The following OVCH1 variants were observed in gnomAD, a reference collection of about 807,000 sequenced individuals.
The protein encoded by OVCH1 is ovochymase-1.
A neutral mutation model predicts 138.4 loss-of-function variants in OVCH1; 139 were observed. That is an observed-to-expected ratio of 1.00 (90% CI 0.87 to 1.16). The LOEUF is 1.16. Among genes scored for constraint, OVCH1 ranks in the 50% most tolerant of loss-of-function variants. The pLI is 0.00. For synonymous variants in OVCH1, 453 were observed against 467.8 expected (o/e 0.97, Z 0.41); for missense variants, 1,367 against 1,357.9 (o/e 1.01, Z -0.11).
intron 13 of OVCH1, 46 bp downstream of exon 13, chr12:29,476,160 C>T (rs779721203): frequency 6.7e-7 from 1 of 1,502,650 alleles, no homozygotes; most frequent in Non-Finnish European, 9.3e-7. Context: ...TGCCACTACT[C>T]TGATTCGTCT....
chr12:29,460,302 T>C (rs373351575), intron 19 of OVCH1, among the ~76,000 whole-genome samples: 1 of 152,212 alleles, frequency 6.6e-6, no homozygotes, highest in South Asian at 2.1e-4. Context: ...ACATAATTAG[T>C]TGTGATTTTC....
intron 18 of OVCH1, among the ~76,000 whole-genome samples, chr12:29,462,596 G>A (rs1436894099): frequency 6.6e-6 from 1 of 151,904 alleles, no homozygotes; most frequent in Non-Finnish European, 1.5e-5. Context: ...TATCATTTTA[G>A]ATTTATGACC....
chr12:29,444,182 T>C lies in OVCH1; in HGVS notation c.2980A>G (p.Met994Val), dbSNP rs773213597. 12 of 1,611,494 alleles carry C rather than the reference T, an allele frequency of 7.4e-6. No individual in the cohort carries two copies. In the Admixed American group the frequency reaches 2.0e-4, roughly 27 times the overall value. ...CTGTGAGAATTTCTTGGGATCTGCA[T>C]GATCCCTTCTGGCTTGGTCAGAAGA... Residue 994 changes from methionine to valine, a missense_variant, in exon 24 of 28, where the codon ATG (methionine) becomes GTG (valine). By Grantham distance (21) the Met-to-Val change is conservative (BLOSUM62 1). Coordinates refer to ENST00000318184, the Ensembl canonical transcript of OVCH1.
intron 14 of OVCH1, among the ~76,000 whole-genome samples, chr12:29,474,256 A>G (rs902485718): frequency 5.3e-5 from 8 of 152,150 alleles, no homozygotes; most frequent in African/African-American, 1.9e-4. Flanking sequence ...TCTTGCATGT[A>G]AGTTCATTCA....
intron 8 of OVCH1, among the ~76,000 whole-genome samples, chr12:29,480,418 C>T (rs534963111): frequency 6.6e-6 from 1 of 152,246 alleles, no homozygotes; most frequent in African/African-American, 2.4e-5. Context: ...CAAATTGTTC[C>T]ATCATCTAAT....
chr12:29,441,476 G>A (rs918485408), intron 25 of OVCH1, among the ~76,000 whole-genome samples: 5 of 152,020 alleles, frequency 3.3e-5, no homozygotes, highest in African/African-American at 1.2e-4. Flanking sequence ...AATTCAAGAT[G>A]GATTAAAGAC....
At chr12:29,419,233 T>C (rs1448203163) in intron 3 of OVCH1, among the ~76,000 whole-genome samples, 3 of 152,078 alleles carry the variant, frequency 2.0e-5, no homozygotes, top group African/African-American at 7.2e-5. Flanking sequence ...ATAACTTTAA[T>C]CCCTGAGAAA....
chr12:29,443,356 G>T lies in OVCH1; in HGVS notation c.3157+5C>A. The T allele has an allele frequency of 6.2e-7, 1 of 1,608,806 alleles. No individual in the cohort carries two copies. The highest frequency in any genetic ancestry group is 1.1e-5 in the South Asian group (1 of 90,290). On this transcript the variant is annotated splice_donor_5th_base_variant and intron_variant, in intron 25 of 27. Transcript: ENST00000318184. ...TAGCATAGAGATTCATGGGAAATCA[G>T]TTACCTATTAATTTTTTTCCTGGTC...
chr12:29,445,279 T>C (rs1941581434), exon 23 of OVCH1: 1 of 1,608,052 alleles, frequency 6.2e-7, no homozygotes. Flanking sequence ...CAAACATACC[T>C]AGGACTTTCA....
At chr12:29,444,311 A>G in intron 23 of OVCH1, 31 bp from the exon 24 acceptor site, 2 of 1,602,090 alleles carry the variant, frequency 1.2e-6, no homozygotes, top group Non-Finnish European at 1.7e-6. Context: ...GAAAATGAGA[A>G]TAAAACCAAT....
At chr12:29,472,046 A>G in intron 15 of OVCH1, 64 bp from the exon 16 acceptor site, 15 of 1,444,376 alleles carry the variant, frequency 1.0e-5, no homozygotes, top group Non-Finnish European at 1.4e-5. Context: ...CTCCTCCAAT[A>G]GCTTGCCATA....
At chr12:29,404,880 G>A in the OVCH1 span, among the ~76,000 whole-genome samples, 1 of 151,806 alleles carries the variant, frequency 6.6e-6, no homozygotes, top group African/African-American at 2.4e-5. Flanking sequence ...AAATTAGCTG[G>A]GTGTGGTGGT....
chr12:29,464,598 C>A (rs752374641), exon 18 of OVCH1: 1 of 1,613,558 alleles, frequency 6.2e-7, no homozygotes, highest in South Asian at 1.1e-5. Context: ...GCCTCACCAC[C>A]GAGTTGTACT....
chr12:29,480,941 A>AAATT (rs561186617), intron 8 of OVCH1, among the ~76,000 whole-genome samples: 94 of 152,266 alleles, frequency 6.2e-4, no homozygotes, highest in Admixed American at 1.8e-3. Context: ...GCACATTCTA[A>AAATT]AATTAGAATG....
At chr12:29,423,045 C>A (rs148600013), downstream of OVCH1, 31 of 328,922 alleles carry the variant, frequency 9.4e-5, no homozygotes, top group African/African-American at 6.6e-4. Flanking sequence ...CTACTAGTGA[C>A]CCTTAAACCA....
chr12:29,433,405 C>A (rs1941304477), intron 27 of OVCH1, among the ~76,000 whole-genome samples: 1 of 152,222 alleles, frequency 6.6e-6, no homozygotes, highest in African/African-American at 2.4e-5. Flanking sequence ...TCCTCTTTCA[C>A]CTTCCGCCAT....
At chr12:29,405,207 TAAC>T in the OVCH1 span, among the ~76,000 whole-genome samples, 16 of 152,258 alleles carry the variant, frequency 1.1e-4, no homozygotes, top group African/African-American at 3.6e-4. Context: ...TAAGGTAACT[TAAC>T]AATGTATTTA....
At chr12:29,476,017 T>C (rs115686641) in intron 13 of OVCH1, among the ~76,000 whole-genome samples, 189 bp downstream of exon 13, 117 of 152,304 alleles carry the variant, frequency 7.7e-4, no homozygotes, top group African/African-American at 2.7e-3. Flanking sequence ...ACATTTCCAT[T>C]AAAAACTTTA....
chr12:29,496,599 A>G (rs1943424800), exon 2 of OVCH1: 4 of 1,613,626 alleles, frequency 2.5e-6, no homozygotes, highest in South Asian at 1.1e-5. Context: ...CCAACTACTA[A>G]TTCTAGAGAA....
Sources: gnomAD v4.1 joint callset for allele counts (sites outside exome capture counted in the v4.1 genomes callset) on GRCh38, gnomAD v4.1.1 for gene constraint, MANE v1.5 for transcripts, NCBI Gene and HGNC (gene_info 2026-07-23, HGNC 2026-07-21) for gene names.